PPP2R2C: variants seen among roughly 807,000 people sequenced by gnomAD.
PPP2R2C encodes protein phosphatase 2, regulatory subunit B, gamma.
In PPP2R2C, 10 loss-of-function variants were observed where a neutral mutation model predicts 45.3. That is an observed-to-expected ratio of 0.22 (90% CI 0.14 to 0.37). PPP2R2C has a LOEUF of 0.37. PPP2R2C is among the 10% of genes least tolerant of loss of function. PPP2R2C has a pLI of 1.00. For synonymous variants in PPP2R2C, 257 were observed against 245.4 expected, an observed-to-expected ratio of 1.05 and a Z score of -0.44; for missense variants, 308 against 619.7, an observed-to-expected ratio of 0.50 and a Z score of 5.34.
intron 1 of PPP2R2C, among the ~76,000 whole-genome samples, chr4:6,403,811 A>G (rs955604467): frequency 6.6e-6 from 1 of 151,670 alleles, no homozygotes; most frequent in African/African-American, 2.4e-5. Flanking sequence ...TGCAGTGTGC[A>G]GAGATTGCGC....
At chr4:6,381,159 C>T in intron 1 of PPP2R2C, 65 bp from the exon 2 acceptor site, 3 of 1,552,340 alleles carry the variant, frequency 1.9e-6, no homozygotes, top group African/African-American at 1.4e-5. Flanking sequence ...GGGTGCTCAA[C>T]AGTGCCACAG....
intron 6 of PPP2R2C, among the ~76,000 whole-genome samples, chr4:6,346,278 C>A (rs927152462): frequency 2.0e-5 from 3 of 152,306 alleles, no homozygotes; most frequent in Admixed American, 6.5e-5. Context: ...TCAGCTCAGC[C>A]AGAACAAAAC....
intron 1 of PPP2R2C, among the ~76,000 whole-genome samples, chr4:6,422,062 T>TC (rs1166987932): frequency 1.3e-5 from 2 of 151,938 alleles, no homozygotes; most frequent in Non-Finnish European, 2.9e-5. Context: ...AATTTTTTTT[T>TC]TTTTTAACTA....
At chr4:6,534,874 G>C (rs1724549780) in intron 2 of PPP2R2C, among the ~76,000 whole-genome samples, 1 of 152,238 alleles carries the variant, frequency 6.6e-6, no homozygotes, top group Non-Finnish European at 1.5e-5. Flanking sequence ...CTGTCCGCTT[G>C]CCCACTGCTG....
At chr4:6,334,690 G>A (rs1242520441) in intron 6 of PPP2R2C, among the ~76,000 whole-genome samples, 1 of 152,172 alleles carries the variant, frequency 6.6e-6, no homozygotes, top group Non-Finnish European at 1.5e-5. Flanking sequence ...GAACAGGGTG[G>A]TGGAGTTGAC....
chr4:6,355,962 C>T (rs989949095), intron 5 of PPP2R2C, among the ~76,000 whole-genome samples: 10 of 132,980 alleles, frequency 7.5e-5, no homozygotes, highest in African/African-American at 2.7e-4. Context: ...CCACGTATTC[C>T]GGCCTGGGTG....
At chr4:6,433,589 A>G (rs1365326774) in intron 1 of PPP2R2C, among the ~76,000 whole-genome samples, 1 of 152,164 alleles carries the variant, frequency 6.6e-6, no homozygotes, top group Non-Finnish European at 1.5e-5. Context: ...TCTGTGGCCA[A>G]GTCATCCCCC....
intron 1 of PPP2R2C, among the ~76,000 whole-genome samples, chr4:6,458,960 A>G (rs893580183): frequency 2.0e-5 from 3 of 152,222 alleles, no homozygotes; most frequent in African/African-American, 4.8e-5. Context: ...GATCCACAGA[A>G]TCATGGAGAG....
In PPP2R2C at chr4:6,562,889, G is replaced by A. The variant is rs112725055; in HGVS notation, c.-59+671C>T. ...CAACCCGGGTCACTTCCCAGGGTGC[G>A]AGAGCAGCTGTCCATCCCACCAACG... On this transcript the variant is annotated intron_variant, in intron 1 of 9. Coordinates refer to the PPP2R2C transcript ENST00000506140. Among the ~76,000 whole-genome samples the A allele has an allele frequency of 9.2e-3, 1,391 of 151,078 alleles. 21 individuals are homozygous for A. The highest frequency in any genetic ancestry group is 0.032 in the African/African-American group (1,321 of 41,050).
chr4:6,561,307 GA>G (rs1444472554), intron 1 of PPP2R2C, among the ~76,000 whole-genome samples: 4 of 152,210 alleles, frequency 2.6e-5, no homozygotes. Context: ...AAAGGAACAC[GA>G]TGTTACACAG....
chr4:6,370,988 C>T (rs749442812), intron 5 of PPP2R2C, among the ~76,000 whole-genome samples: 1 of 152,206 alleles, frequency 6.6e-6, no homozygotes, highest in African/African-American at 2.4e-5. Flanking sequence ...GCACTCCATG[C>T]CTTTGGGACA....
At chr4:6,453,379 G>T (rs562137901) in intron 1 of PPP2R2C, among the ~76,000 whole-genome samples, 140 of 152,286 alleles carry the variant, frequency 9.2e-4, no homozygotes, top group Admixed American at 2.5e-3. Context: ...CTTGCAGGAA[G>T]TATCCATGGC....
Position 6,378,297 on chromosome 4 carries a change from C to T in PPP2R2C, c.334+110G>A, listed in dbSNP as rs747217089. On this transcript the variant is annotated intron_variant, in intron 3 of 8. Transcript: ENST00000382599. The surrounding 1 kb of genome is among the most constrained non-coding windows in gnomAD (Gnocchi z 5.2). ...CTCAAAAAGGATATTATTTTCTAGG[C>T]GTTCTGAAGACATAGAAAAATGCTC... The T allele has an allele frequency of 3.9e-5, 61 of 1,553,218 alleles. No homozygotes were observed. Among genetic ancestry groups the T allele is most frequent in the Non-Finnish European group, 5.2e-5 (60 of 1,153,998 alleles).
At chr4:6,374,006 T>C (rs1017130417) in intron 4 of PPP2R2C, among the ~76,000 whole-genome samples, 2 of 135,092 alleles carry the variant, frequency 1.5e-5, no homozygotes, top group African/African-American at 5.6e-5. Flanking sequence ...TGCTTCTAGG[T>C]TGTGTGCCTG....
At chr4:6,560,585 A>G (rs948565487) in intron 1 of PPP2R2C, among the ~76,000 whole-genome samples, 9 of 152,274 alleles carry the variant, frequency 5.9e-5, no homozygotes, top group African/African-American at 1.2e-4. Context: ...AAGCACTGGA[A>G]GCGTCCCTGG....
chr4:6,537,723 T>G (rs1396851642), intron 1 of PPP2R2C, among the ~76,000 whole-genome samples: 1 of 152,068 alleles, frequency 6.6e-6, no homozygotes, highest in Non-Finnish European at 1.5e-5. Context: ...GCTAATTTTT[T>G]GTATTTTTAG....
chr4:6,351,359 G>T, intron 5 of PPP2R2C: 1 of 981,632 alleles, frequency 1.0e-6, no homozygotes, highest in Non-Finnish European at 1.2e-6. Flanking sequence ...AAGTATGCAG[G>T]GCTCCATTAG....
chr4:6,421,179 T>TG (rs780731984), intron 1 of PPP2R2C: 10 of 962,998 alleles, frequency 1.0e-5, no homozygotes, highest in Non-Finnish European at 1.2e-5. Context: ...ACATGACCAG[T>TG]GGGGGCCAAT....
At position 6,444,640 on chromosome 4, in the gene PPP2R2C, G is replaced by A. The variant is rs186759985; in HGVS notation, c.70+27520C>T. The stretch of plus-strand genomic sequence containing the variant: ...CTCTGCACTTCAGCAGGTCCTAAGC[G>A]GGGGCCCAGTTTCTTAATTTCTTTT... On this transcript the variant is annotated intron_variant, in intron 1 of 8. Transcript: ENST00000382599. 1.8e-3 allele frequency among the ~76,000 whole-genome samples: 268 copies of A among 152,250 alleles called. 2 individuals carry two copies. Among genetic ancestry groups the A allele is most frequent in the Admixed American group, 2.7e-3 (42 of 15,298 alleles).
Sources: allele counts gnomAD v4.1 joint callset (sites outside exome capture counted in the v4.1 genomes callset), GRCh38; gene constraint gnomAD v4.1.1; non-coding constraint Gnocchi (gnomAD v3.1); transcripts MANE v1.5; gene names NCBI Gene and HGNC (gene_info 2026-07-23, HGNC 2026-07-21).